Variants in TRIM69 observed in about 807,000 individuals in gnomAD.
TRIM69 encodes the protein tripartite motif containing 69.
A neutral mutation model predicts 37.7 loss-of-function variants in TRIM69; 29 were observed. The observed-to-expected ratio is 0.77, with a 90% CI of 0.57 to 1.05. TRIM69 has a LOEUF of 1.05. Ranked by LOEUF, TRIM69 falls within the 50% of genes least tolerant of loss-of-function variation. The probability of loss-of-function intolerance (pLI) is 0.00; values close to 1 mark genes in which losing one functional copy is unlikely to be tolerated. For missense variants in TRIM69, 596 were observed against 579.9 expected, an observed-to-expected ratio of 1.03 and a Z score of -0.28; for synonymous variants, 209 against 212.4, an observed-to-expected ratio of 0.98 and a Z score of 0.14.
In TRIM69 at chr15:44,744,927, G is replaced by T. The variant is rs530963494; in HGVS notation, c.6+8217G>T. ...CTGCCACCTGGGGAAAGGCATAATA[G>T]TTGGGGCAAACAATAGAGTAACCAA... is the stretch of plus-strand genomic sequence containing the variant. On this transcript the variant is annotated intron_variant, in intron 1 of 6. Transcript: ENST00000329464. Among the ~76,000 whole-genome samples, 4 of 152,236 alleles carry T rather than the reference G, an allele frequency of 2.6e-5. No homozygotes were observed. The South Asian group carries it at 6.2e-4, about 24-fold the overall frequency.
At chr15:44,742,852 A>G (rs928344033) in intron 1 of TRIM69, among the ~76,000 whole-genome samples, 2 of 150,430 alleles carry the variant, frequency 1.3e-5, no homozygotes, top group African/African-American at 4.9e-5. Flanking sequence ...ACGCTCATGG[A>G]TAGGAAGAAT....
chr15:44,756,526 C>T (rs1417082526), intron 3 of TRIM69, 63 bp downstream of exon 3: 1 of 1,147,644 alleles, frequency 8.7e-7, no homozygotes, highest in Admixed American at 2.0e-5. Flanking sequence ...GTAACTTCAG[C>T]TATGGGTACA....
intron 1 of TRIM69, among the ~76,000 whole-genome samples, chr15:44,739,887 C>G (rs904625484): frequency 6.6e-6 from 1 of 151,498 alleles, no homozygotes; most frequent in Non-Finnish European, 1.5e-5. Context: ...GTGGTTCTCC[C>G]AGCACGCAGC....
chr15:44,742,544 G>A (rs868228166), intron 1 of TRIM69, among the ~76,000 whole-genome samples: 2,531 of 40,430 alleles, frequency 0.063, 140 homozygotes, highest in Non-Finnish European at 0.082. Flanking sequence ...GTTTGCAGAT[G>A]ACATGATTGT....
chr15:44,738,994 C>A lies in TRIM69; in HGVS notation c.6+2284C>A, dbSNP rs371231412. Among the ~76,000 whole-genome samples, 5 of 152,258 alleles carry A rather than the reference C, an allele frequency of 3.3e-5. No individual in the cohort carries two copies. The South Asian group carries it at 8.3e-4, about 25-fold the overall frequency. ...AATTAACCATATAAAACCAGTCAAT[C>A]ATATAATATCAATAATTAATAACAT... On this transcript the variant is annotated intron_variant, in intron 1 of 6. Coordinates refer to ENST00000329464, the MANE Select transcript of TRIM69 (RefSeq NM_182985.5).
intron 1 of TRIM69, among the ~76,000 whole-genome samples, chr15:44,751,084 T>C (rs1419148737): frequency 6.7e-6 from 1 of 149,982 alleles, no homozygotes; most frequent in Admixed American, 6.7e-5. Context: ...GTCTCCCAAA[T>C]AGCTGGAATT....
rs145844765 is a variant in TRIM69 at position 44,767,592 on chromosome 15, C to A, written c.1323C>A (p.Asp441Glu). Reference protein sequence around the residue: ...SFSLTLTNNLDKVGIYLDYEG... With the variant: ...SFSLTLTNNLEKVGIYLDYEG... ...GTCTGACACTGACTAACAACCTCGACAAGGTGGGCATATACCTGGATTATG... is the reference window on the plus strand; with the variant it reads ...GTCTGACACTGACTAACAACCTCGAAAAGGTGGGCATATACCTGGATTATG... Residue 441 changes from aspartate (D) to glutamate (E), a missense_variant, in exon 7 of 7, where the codon GAC (aspartate) becomes GAA (glutamate). By Grantham distance (45) the Asp-to-Glu change is conservative. Transcript: ENST00000329464. The A allele has an allele frequency of 7.7e-5, 125 of 1,614,080 alleles. No homozygotes were observed. The highest frequency in any genetic ancestry group is 1.0e-4 in the Non-Finnish European group (120 of 1,180,040).
chr15:44,753,563 T>G (rs1465525896), intron 1 of TRIM69: 1 of 152,234 alleles, frequency 6.6e-6, no homozygotes, highest in Non-Finnish European at 1.5e-5. Flanking sequence ...CATTTCTCTC[T>G]TGCTGCTTTC....
chr15:44,759,339 T>C (rs2087723165), intron 4 of TRIM69, among the ~76,000 whole-genome samples: 1 of 152,204 alleles, frequency 6.6e-6, no homozygotes, highest in East Asian at 1.9e-4. Flanking sequence ...CTGGGATACC[T>C]AATGTGTTTT....
intron 6 of TRIM69, 90 bp downstream of exon 6, chr15:44,759,962 C>T (rs1198259198): frequency 4.7e-6 from 7 of 1,482,840 alleles, no homozygotes; most frequent in Non-Finnish European, 5.5e-6. Context: ...TAAGTTTTTA[C>T]AGTCTGGGAT....
intron 3 of TRIM69, chr15:44,756,727 G>A (rs115604575): frequency 0.017 from 5,571 of 328,174 alleles, 58 homozygotes; most frequent in African/African-American, 0.029. Flanking sequence ...CTGTCGTGGC[G>A]TTGAAATGTG....
At chr15:44,746,747 C>T (rs1044981061) in intron 1 of TRIM69, among the ~76,000 whole-genome samples, 7 of 42,022 alleles carry the variant, frequency 1.7e-4, no homozygotes, top group Admixed American at 6.9e-4. Context: ...AGCACGTGCA[C>T]GTGCACACAC....
At chr15:44,755,472 A>G in intron 2 of TRIM69, 96 bp downstream of exon 2, 1 of 927,550 alleles carries the variant, frequency 1.1e-6, no homozygotes, top group Non-Finnish European at 1.6e-6. Context: ...CCTTTATTCA[A>G]ATGATGATTA....
At chr15:44,748,912 A>C (rs1478157601) in intron 1 of TRIM69, among the ~76,000 whole-genome samples, 5 of 150,704 alleles carry the variant, frequency 3.3e-5, no homozygotes, top group Non-Finnish European at 7.4e-5. Context: ...ATAGGGTCTT[A>C]CTTTGTCGCC....
At chr15:44,760,070 T>C (rs944569882) in intron 6 of TRIM69, among the ~76,000 whole-genome samples, 198 bp downstream of exon 6, 2 of 152,246 alleles carry the variant, frequency 1.3e-5, no homozygotes, top group African/African-American at 4.8e-5. Context: ...TGCTGGTAAA[T>C]AGATATGAGT....
intron 1 of TRIM69, among the ~76,000 whole-genome samples, chr15:44,738,366 G>A (rs2087209782): frequency 6.6e-6 from 1 of 151,802 alleles, no homozygotes; most frequent in African/African-American, 2.4e-5. Flanking sequence ...GGGCCATCGT[G>A]ACCTGCTGAT....
Position 44,755,302 on chromosome 15 carries a change from T to C in TRIM69, c.409T>C (p.Cys137Arg), listed in dbSNP as rs780054663. Reference protein sequence around the residue: ...KPDGKLICFQCKDARLSVGQS... With the variant: ...KPDGKLICFQRKDARLSVGQS... ...AGATGGGAAACTGATCTGCTTTCAA[T>C]GCAAGGATGCTCGGTTGTCTGTGGG... The change falls in exon 2 of 7, where the codon TGC becomes CGC. Residue 137 changes from cysteine (C) to arginine (R), a missense_variant. Transcript: ENST00000329464. The C allele has an allele frequency of 9.9e-6, 16 of 1,614,070 alleles. No homozygotes were observed. Among genetic ancestry groups the C allele is most frequent in the South Asian group, 2.2e-5 (2 of 91,078 alleles).
intron 3 of TRIM69, chr15:44,757,123 G>A (rs566561944): frequency 6.6e-6 from 1 of 152,222 alleles, no homozygotes; most frequent in African/African-American, 2.4e-5. Flanking sequence ...CTCAGGGAAA[G>A]AAGAAGGATA....
In TRIM69 at chr15:44,755,157, C is replaced by A. The variant is rs776455537; in HGVS notation, c.264C>A (p.Asn88Lys). The A allele has an allele frequency of 1.9e-6, 3 of 1,614,192 alleles. No homozygotes were observed. In the East Asian group the frequency reaches 6.7e-5, roughly 36 times the overall value. ...AGTGTAAGATGCTATGTCAGTATAA[C>A]AACTGTACATTCAACCCTGTACTGG... ...CPECKMLCQY[N>K]NCTFNPVLDK... The change falls in exon 2 of 7, where the codon AAC (asparagine) becomes AAA (lysine). Residue 88 changes from asparagine (N) to lysine (K), a missense_variant. Physicochemically the swap from Asn to Lys is moderately conservative, Grantham distance 94. Transcript: ENST00000329464.
Sources: allele counts gnomAD v4.1 joint callset (sites outside exome capture counted in the v4.1 genomes callset), GRCh38; gene constraint gnomAD v4.1.1; transcripts MANE v1.5; gene names NCBI Gene and HGNC (gene_info 2026-07-23, HGNC 2026-07-21).